NUDT13: variants seen among roughly 807,000 people sequenced by gnomAD.
The protein encoded by NUDT13 is NAD(P)H pyrophosphatase NUDT13, mitochondrial.
NUDT13 carries 40 observed loss-of-function variants against 41.7 expected under a neutral mutation model. The ratio of observed to expected loss-of-function variants is 0.96; its 90% CI spans 0.75 to 1.25. The LOEUF (loss-of-function observed/expected upper bound fraction) is 1.25, where lower values mean the gene tolerates loss of function less well. NUDT13 is among the 50% of genes most tolerant of loss of function. The pLI is 0.00. For missense variants in NUDT13, 390 were observed against 416.1 expected, an observed-to-expected ratio of 0.94 and a Z score of 0.55; for synonymous variants, 145 against 155.5, an observed-to-expected ratio of 0.93 and a Z score of 0.50.
At chr10:73,124,566 G>C in intron 5 of NUDT13, 1 of 439,382 alleles carries the variant, frequency 2.3e-6, no homozygotes, top group Non-Finnish European at 4.1e-6. Flanking sequence ...TATGGCAATA[G>C]GATCTGTCAG....
At chr10:73,115,440 T>C (rs920935113) in intron 2 of NUDT13, among the ~76,000 whole-genome samples, 3 of 146,416 alleles carry the variant, frequency 2.0e-5, no homozygotes, top group African/African-American at 8.1e-5. Flanking sequence ...TCCCAAAGTG[T>C]TGGGATTACA....
Position 73,125,136 on chromosome 10 carries a change from T to G in NUDT13, c.484T>G (p.Trp162Gly), listed in dbSNP as rs779372417. The change falls in exon 6 of 9, where the codon TGG (tryptophan) becomes GGG (glycine). Residue 162 changes from tryptophan to glycine, a missense_variant. By Grantham distance (184) the Trp-to-Gly change is radical (BLOSUM62 -2). Transcript: ENST00000357321. ...TTCCTAGGCTCAAGCTCTTCTCCGC[T>G]GGCATGATGCTCATCAGTTCTGCAG... The part of the protein sequence containing the change: ...LLSTAQALLR[W>G]HDAHQFCSRS... 7.3e-5 allele frequency: 118 copies of G among 1,610,760 alleles called. No homozygotes were observed. The highest frequency in any genetic ancestry group is 9.9e-5 in the Non-Finnish European group (117 of 1,179,230).
At chr10:73,112,643 T>G (rs1842397560) in intron 1 of NUDT13, among the ~76,000 whole-genome samples, 2 of 151,864 alleles carry the variant, frequency 1.3e-5, no homozygotes, top group Admixed American at 1.3e-4. Flanking sequence ...TTTGTGTGTG[T>G]TGAGAATATT....
At chr10:73,122,138 T>G in intron 3 of NUDT13, 37 bp from the exon 4 acceptor site, 1 of 1,601,116 alleles carries the variant, frequency 6.2e-7, no homozygotes, top group East Asian at 2.2e-5. Context: ...GAAACCCTTG[T>G]GTTTTGCTTT....
rs750864191 is a variant in NUDT13, at chr10:73,125,228, A to C, written c.576A>C (p.Ile192=). Residue 192 remains isoleucine, a synonymous_variant, in exon 6 of 9, where the codon ATA becomes ATC. Coordinates refer to ENST00000357321, the MANE Select transcript of NUDT13 (RefSeq NM_015901.6). ...AGCGTGTGTGCCCTTCCAATAATATAATCTATTATCCACAGGTAATTATTG... is the reference window on the plus strand; with the variant it reads ...AGCGTGTGTGCCCTTCCAATAATATCATCTATTATCCACAGGTAATTATTG... The part of the protein sequence containing the change: ...GSKRVCPSNN[I]IYYPQMAPVA... The C allele has an allele frequency of 3.8e-5, 62 of 1,611,740 alleles. No homozygotes were observed. Among genetic ancestry groups the C allele is most frequent in the Non-Finnish European group, 5.0e-5 (59 of 1,179,388 alleles).
intron 2 of NUDT13, among the ~76,000 whole-genome samples, chr10:73,116,665 C>G (rs182439431): frequency 6.6e-6 from 1 of 152,034 alleles, no homozygotes; most frequent in Non-Finnish European, 1.5e-5. Context: ...TCGCTTGAAC[C>G]TGGGAGGTGG....
chr10:73,117,677 T>C (rs2133208154), intron 2 of NUDT13, among the ~76,000 whole-genome samples: 1 of 152,256 alleles, frequency 6.6e-6, no homozygotes, highest in South Asian at 2.1e-4. Flanking sequence ...AATATACTTA[T>C]ATATGTATTG....
rs143977575 is a variant in NUDT13 at position 73,125,074 on chromosome 10, C to T, written c.466-44C>T. On this transcript the variant is annotated intron_variant, in intron 5 of 8. Transcript: ENST00000357321. ...GCCCAGTGCTGTTAAAGATGAGCCC[C>T]GCATTCTCTCCAAATGACACCAGGC... 6.1e-3 allele frequency: 9,505 copies of T among 1,568,300 alleles called. 42 individuals are homozygous for T. The highest frequency in any genetic ancestry group is 7.4e-3 in the Non-Finnish European group (8,596 of 1,158,472).
Position 73,126,840 on chromosome 10 carries a change from C to A in NUDT13, c.858+13C>A. On this transcript the variant is annotated intron_variant, in intron 8 of 8. Transcript: ENST00000357321. ...AGGGCAGACAGAAGTAAGTTCTCATCTTCCCTTATACTGTGATATTTCTTT... is the reference window on the plus strand; with the variant it reads ...AGGGCAGACAGAAGTAAGTTCTCATATTCCCTTATACTGTGATATTTCTTT... 1 of 1,611,852 alleles carries A rather than the reference C, an allele frequency of 6.2e-7. No homozygotes were observed. Among genetic ancestry groups the A allele is most frequent in the Non-Finnish European group, 8.5e-7 (1 of 1,178,186 alleles).
rs573285847 is a variant in NUDT13, at chr10:73,110,812, G to A, written c.-10+245G>A. Among the ~76,000 whole-genome samples the A allele has an allele frequency of 2.3e-4, 35 of 152,148 alleles. 2 individuals carry two copies. The East Asian group carries it at 3.7e-3, about 16-fold the overall frequency. ...GGAGAGTCATTTAAAAATGGAACTT[G>A]CCAACCTCTCACATTGTGCCTTAAT... On this transcript the variant is annotated intron_variant, in intron 1 of 8. Transcript: ENST00000357321.
chr10:73,114,120 T>C (rs531618126), intron 1 of NUDT13, among the ~76,000 whole-genome samples: 38 of 152,288 alleles, frequency 2.5e-4, no homozygotes, highest in African/African-American at 7.5e-4. Flanking sequence ...TCTAAGTGGG[T>C]AGAACAGGTT....
chr10:73,122,160 C>T lies in NUDT13; in HGVS notation c.224-15C>T, dbSNP rs762721990. 8 of 1,609,828 alleles carry T rather than the reference C, an allele frequency of 5.0e-6. No individual in the cohort carries two copies. The highest frequency in any genetic ancestry group is 3.3e-5 in the South Asian group (3 of 90,360). On this transcript the variant is annotated splice_polypyrimidine_tract_variant and intron_variant, in intron 3 of 8. Coordinates refer to ENST00000357321, the MANE Select transcript of NUDT13 (RefSeq NM_015901.6). Reference sequence around the variant, plus strand: ...TTGTGTTTTGCTTTTCTCCCTTCCCCTTTCTGTTTCTTAGAGTTGGAAAGG... The same window carrying T: ...TTGTGTTTTGCTTTTCTCCCTTCCCTTTTCTGTTTCTTAGAGTTGGAAAGG...
chr10:73,130,993 T>C lies in NUDT13; in HGVS notation c.*90T>C, dbSNP rs1392634919. 1.7e-6 allele frequency: 2 copies of C among 1,145,302 alleles called. No individual in the cohort carries two copies. Among genetic ancestry groups the C allele is most frequent in the Non-Finnish European group, 1.3e-6 (1 of 776,136 alleles). 70.9% of individuals were successfully genotyped at this position (1,145,302 alleles called of 1,614,324 possible). On this transcript the variant is annotated 3_prime_UTR_variant, in exon 9 of 9. Coordinates refer to ENST00000357321, the MANE Select transcript of NUDT13 (RefSeq NM_015901.6). Reference sequence around the variant, plus strand: ...AAAGGAGAAGTGACAAAAGATAAGCTGCAGAAGGACCTCAGAAGGGCAGAG... The same window carrying C: ...AAAGGAGAAGTGACAAAAGATAAGCCGCAGAAGGACCTCAGAAGGGCAGAG...
intron 5 of NUDT13, 169 bp downstream of exon 5, chr10:73,124,489 CCTT>C (rs1842724901): frequency 1.8e-6 from 1 of 559,036 alleles, no homozygotes; most frequent in East Asian, 2.9e-5. Context: ...GCTTATTCTT[CCTT>C]CTTCTGCCCT....
chr10:73,126,753 T>G lies in NUDT13; in HGVS notation c.784T>G (p.Ser262Ala). Reference protein sequence around the residue: ...LEVESLQYYASQHWPFPSGSL... With the variant: ...LEVESLQYYAAQHWPFPSGSL... ...GGTGGAAAGCCTGCAGTACTATGCA[T>G]CCCAGCATTGGCCCTTCCCTAGTGG... Residue 262 changes from serine to alanine, a missense_variant, in exon 8 of 9, where the codon TCC becomes GCC. Coordinates refer to ENST00000357321, the MANE Select transcript of NUDT13 (RefSeq NM_015901.6). The G allele has an allele frequency of 6.2e-7, 1 of 1,614,130 alleles. No individual in the cohort carries two copies. The highest frequency in any genetic ancestry group is 8.5e-7 in the Non-Finnish European group (1 of 1,180,012).
At chr10:73,117,986 G>C (rs936995046) in intron 2 of NUDT13, among the ~76,000 whole-genome samples, 1 of 152,182 alleles carries the variant, frequency 6.6e-6, no homozygotes, top group Non-Finnish European at 1.5e-5. Flanking sequence ...CTCAATTCCA[G>C]TTCCAGTGAG....
chr10:73,126,525 AT>A, intron 7 of NUDT13, 147 bp from the exon 8 acceptor site: 1 of 794,580 alleles, frequency 1.3e-6, no homozygotes, highest in Non-Finnish European at 1.9e-6. Context: ...CCTGATTCTT[AT>A]TGTTGGAATG....
intron 7 of NUDT13, chr10:73,126,324 A>G (rs1842778607): frequency 1.0e-5 from 2 of 195,008 alleles, no homozygotes; most frequent in South Asian, 1.4e-4. Flanking sequence ...TTCCTATTTC[A>G]GCATGCGTAA....
At chr10:73,130,002 G>A (rs1052456911) in intron 8 of NUDT13, among the ~76,000 whole-genome samples, 1 of 151,436 alleles carries the variant, frequency 6.6e-6, no homozygotes, top group African/African-American at 2.4e-5. Flanking sequence ...AGTAATATTT[G>A]TATGTTCTTT....
Sources: gnomAD v4.1 joint callset for allele counts (sites outside exome capture counted in the v4.1 genomes callset) on GRCh38, gnomAD v4.1.1 for gene constraint, MANE v1.5 for transcripts, NCBI Gene and HGNC (gene_info 2026-07-23, HGNC 2026-07-21) for gene names.